Variants in ANKRD12 observed in about 807,000 individuals in gnomAD.
The protein encoded by ANKRD12 is ankyrin repeat domain-containing protein 12.
In ANKRD12, 85 loss-of-function variants were observed where a neutral mutation model predicts 183.4. That is an observed-to-expected ratio of 0.46 (90% CI 0.39 to 0.56). The LOEUF is 0.56. Ranked by LOEUF, ANKRD12 falls within the 20% of genes least tolerant of loss-of-function variation. The pLI, the probability that ANKRD12 is intolerant of heterozygous loss-of-function variation, is 0.00. For missense variants in ANKRD12, 2,405 were observed against 2,357.1 expected, an observed-to-expected ratio of 1.02 and a Z score of -0.42; for synonymous variants, 914 against 800.2, an observed-to-expected ratio of 1.14 and a Z score of -2.40.
At chr18:9,172,080 A>G (rs1057326316) in intron 1 of ANKRD12, among the ~76,000 whole-genome samples, 10 of 148,970 alleles carry the variant, frequency 6.7e-5, no homozygotes, top group South Asian at 2.1e-4. Context: ...TTTGGCTAGT[A>G]GGGTTTCCAC....
Position 9,279,542 on chromosome 18 carries a change from C to T in ANKRD12, c.5908-7C>T. 1 of 1,548,350 alleles carries T rather than the reference C, an allele frequency of 6.5e-7. No homozygotes were observed. The highest frequency in any genetic ancestry group is 8.8e-7 in the Non-Finnish European group (1 of 1,130,552). ...TGTATTTTATAATACTCACTTTTCT[C>T]TTTTAGTCTGATGACAGTAAAACTT... On this transcript the variant is annotated splice_polypyrimidine_tract_variant and splice_region_variant and intron_variant, in intron 11 of 12. Coordinates refer to ENST00000262126, the MANE Select transcript of ANKRD12 (RefSeq NM_015208.5).
chr18:9,234,050 G>A (rs1011232960), intron 8 of ANKRD12, among the ~76,000 whole-genome samples: 4 of 130,380 alleles, frequency 3.1e-5, no homozygotes, highest in African/African-American at 5.3e-5. Context: ...TGTGGTGCAG[G>A]GTTACCACAC....
chr18:9,213,200 C>T (rs1218788006), intron 6 of ANKRD12, among the ~76,000 whole-genome samples: 3 of 151,824 alleles, frequency 2.0e-5, no homozygotes, highest in Non-Finnish European at 4.4e-5. Context: ...TTTGTTTTTA[C>T]ATGTAGCCCT....
At chr18:9,240,822 A>C (rs576025910) in intron 8 of ANKRD12, among the ~76,000 whole-genome samples, 1 of 152,146 alleles carries the variant, frequency 6.6e-6, no homozygotes, top group Non-Finnish European at 1.5e-5. Context: ...GTTGTTACCC[A>C]CTGGTTTACT....
intron 6 of ANKRD12, among the ~76,000 whole-genome samples, chr18:9,214,657 C>T (rs774305759): frequency 4.6e-5 from 7 of 151,056 alleles, no homozygotes; most frequent in African/African-American, 7.3e-5. Context: ...AGAAGAGTTA[C>T]GACATTAAAA....
At chr18:9,231,437 T>C (rs2037040093) in intron 8 of ANKRD12, among the ~76,000 whole-genome samples, 1 of 152,206 alleles carries the variant, frequency 6.6e-6, no homozygotes, top group South Asian at 2.1e-4. Flanking sequence ...TGGGTTCATA[T>C]ATTATTTTGA....
chr18:9,186,137 ATT>A (rs11310603), intron 2 of ANKRD12, among the ~76,000 whole-genome samples: 1,515 of 126,698 alleles, frequency 0.012, 18 homozygotes, highest in African/African-American at 0.043. Context: ...TAAAAGTGTG[ATT>A]TTTTTTTTTT....
intron 1 of ANKRD12, among the ~76,000 whole-genome samples, chr18:9,164,773 A>G (rs150489306): frequency 6.6e-6 from 1 of 152,230 alleles, no homozygotes; most frequent in Non-Finnish European, 1.5e-5. Context: ...TTGTAATTTC[A>G]GTCGTTTTGC....
At chr18:9,246,167 T>G (rs189317338) in intron 8 of ANKRD12, among the ~76,000 whole-genome samples, 3 of 133,730 alleles carry the variant, frequency 2.2e-5, no homozygotes, top group Non-Finnish European at 3.5e-5. Flanking sequence ...ATAGAAACTT[T>G]TAAAAATTAT....
chr18:9,239,257 T>C (rs1480744834), intron 8 of ANKRD12, among the ~76,000 whole-genome samples: 1 of 152,252 alleles, frequency 6.6e-6, no homozygotes, highest in Non-Finnish European at 1.5e-5. Flanking sequence ...CTAATTCTTT[T>C]AATTGCTGTC....
chr18:9,198,926 A>G (rs2035005781), intron 3 of ANKRD12, among the ~76,000 whole-genome samples: 1 of 152,144 alleles, frequency 6.6e-6, no homozygotes, highest in South Asian at 2.1e-4. Context: ...AATCAGGAAA[A>G]TTGTGTTGAG....
At position 9,257,164 on chromosome 18, in the gene ANKRD12, C is replaced by T. The variant is rs761535959; in HGVS notation, c.3897C>T (p.Ser1299=). ...TAGAAGATGTTAAACTAATTATAAGCGAGGGGAGACCTACCATAGAAGTTC... is the reference window on the plus strand; with the variant it reads ...TAGAAGATGTTAAACTAATTATAAGTGAGGGGAGACCTACCATAGAAGTTC... The part of the protein sequence containing the change: ...SSVEDVKLII[S]EGRPTIEVRR... Residue 1299 remains serine, a synonymous_variant, in exon 9 of 13, where the codon AGC becomes AGT. Coordinates refer to ENST00000262126, the MANE Select transcript of ANKRD12 (RefSeq NM_015208.5). 20 of 1,614,078 alleles carry T rather than the reference C, an allele frequency of 1.2e-5. No homozygotes were observed. Among genetic ancestry groups the T allele is most frequent in the Middle Eastern group, 1.7e-4 (1 of 6,060 alleles).
At position 9,136,860 on chromosome 18, in the gene ANKRD12, C is replaced by T. The variant is rs892842561; in HGVS notation, c.-157C>T. The T allele has an allele frequency of 6.6e-6, 1 of 152,356 alleles. No homozygotes were observed. The highest frequency in any genetic ancestry group is 1.5e-5 in the Non-Finnish European group (1 of 68,162). The allele number at this position is 152,356 out of a possible 1,614,324, so 9.4% of individuals were successfully genotyped here. On this transcript the variant is annotated 5_prime_UTR_variant, in exon 1 of 13. Coordinates refer to ENST00000262126, the MANE Select transcript of ANKRD12 (RefSeq NM_015208.5). ...CCGGAGATGTTTTCAAGCCCGGCTC[C>T]GGCGGCTTTACAGGCGGCTGCAGCG...
intron 3 of ANKRD12, among the ~76,000 whole-genome samples, chr18:9,202,118 G>A (rs757778277): frequency 3.9e-5 from 6 of 152,064 alleles, no homozygotes; most frequent in African/African-American, 1.2e-4. Context: ...GAGCAACCGC[G>A]CCCAGCCTTT....
rs2298547 is a variant in ANKRD12 at position 9,255,640 on chromosome 18, T to G, written c.2373T>G (p.Ser791Arg). ...KDSEFTSLGM[S>R]AIEESIGLHL... ...CAGAATTTACTTCTTTGGGTATGAGTGCCATTGAGGAATCTATAGGGCTTC... is the reference window on the plus strand; with the variant it reads ...CAGAATTTACTTCTTTGGGTATGAGGGCCATTGAGGAATCTATAGGGCTTC... The change falls in exon 9 of 13, where the codon AGT (serine) becomes AGG (arginine). Residue 791 changes from serine to arginine, a missense_variant. By Grantham distance (110) the Ser-to-Arg change is moderately radical. Coordinates refer to ENST00000262126, the MANE Select transcript of ANKRD12 (RefSeq NM_015208.5). The G allele has an allele frequency of 5.7e-6, 9 of 1,576,332 alleles. No individual in the cohort carries two copies. The East Asian group carries it at 2.0e-4, about 36-fold the overall frequency.
rs1038275335 is a variant in ANKRD12 at position 9,285,349 on chromosome 18, T to G, written c.*4223T>G. The G allele has an allele frequency of 2.7e-5, 4 of 148,122 alleles. No homozygotes were observed. In the Admixed American group the frequency reaches 2.8e-4, roughly 10 times the overall value. The allele number at this position is 148,122 out of a possible 1,614,324, so 9.2% of individuals were successfully genotyped here. A position where few individuals can be genotyped will look rare whatever the true frequency, so the allele number is the denominator to read the frequency against. ...GGGAGGTTGAGACAGGAGAATCGCT[T>G]GAAGCCTGGAGGCGGAGGTTGCAGT... is the stretch of plus-strand genomic sequence containing the variant. On this transcript the variant is annotated 3_prime_UTR_variant, in exon 13 of 13. Coordinates refer to ENST00000262126, the MANE Select transcript of ANKRD12 (RefSeq NM_015208.5).
intron 1 of ANKRD12, among the ~76,000 whole-genome samples, chr18:9,162,762 ATC>A (rs1300009756): frequency 6.6e-6 from 1 of 152,068 alleles, no homozygotes; most frequent in Non-Finnish European, 1.5e-5. Flanking sequence ...ATGAGATGGT[ATC>A]TCATTGTGGT....
chr18:9,258,736 T>A lies in ANKRD12; in HGVS notation c.5469T>A (p.Asp1823Glu), dbSNP rs766074445. 1.2e-6 allele frequency: 2 copies of A among 1,611,210 alleles called. No homozygotes were observed. The highest frequency in any genetic ancestry group is 1.7e-6 in the Non-Finnish European group (2 of 1,177,678). ...CCATTGTAGATTCTCTAAAACTAGA[T>A]GAGATTCAGCCATACAGTTCAGAGA... ...LAAIVDSLKLDEIQPYSSERA... is the reference protein window; with the variant it reads ...LAAIVDSLKLEEIQPYSSERA... The change falls in exon 9 of 13, where the codon GAT becomes GAA. Residue 1823 changes from aspartate (D) to glutamate (E), a missense_variant. By Grantham distance (45) the Asp-to-Glu change is conservative. Transcript: ENST00000262126.
intron 8 of ANKRD12, among the ~76,000 whole-genome samples, chr18:9,247,653 C>G (rs1338847115): frequency 6.6e-6 from 1 of 151,980 alleles, no homozygotes; most frequent in Non-Finnish European, 1.5e-5. Context: ...ATCTTTTAAT[C>G]TATAGATATT....
Sources: gnomAD v4.1 joint callset for allele counts (sites outside exome capture counted in the v4.1 genomes callset) on GRCh38, gnomAD v4.1.1 for gene constraint, MANE v1.5 for transcripts, NCBI Gene and HGNC (gene_info 2026-07-23, HGNC 2026-07-21) for gene names.